STIM1: variants seen among roughly 807,000 people sequenced by gnomAD.
The protein encoded by STIM1 is stromal interaction molecule 1.
A neutral mutation model predicts 74.7 loss-of-function variants in STIM1; 25 were observed. That is an observed-to-expected ratio of 0.33 (90% CI 0.24 to 0.47). The LOEUF is 0.47. STIM1 is among the 20% of genes least tolerant of loss of function. The probability of loss-of-function intolerance (pLI) is 1.00; values close to 1 mark genes in which losing one functional copy is unlikely to be tolerated. For missense variants in STIM1, 728 were observed against 920.8 expected (o/e 0.79, Z 2.71); for synonymous variants, 328 against 348.8 (o/e 0.94, Z 0.66).
intron 1 of STIM1, among the ~76,000 whole-genome samples, chr11:3,957,018 G>T (rs1033660047): frequency 4.6e-5 from 7 of 152,098 alleles, no homozygotes; most frequent in African/African-American, 1.7e-4. Context: ...ACTTTTAGTG[G>T]AGGGAGATAG....
At position 4,084,697 on chromosome 11, in the gene STIM1, G is replaced by C; in HGVS notation, c.1499G>C (p.Arg500Thr). Residue 500 changes from arginine to threonine, a missense_variant, in exon 11 of 13, where the codon AGG becomes ACG. By Grantham distance (71) the Arg-to-Thr change is moderately conservative (BLOSUM62 -1). Transcript: ENST00000526596. The stretch of plus-strand genomic sequence containing the variant: ...GATGCTGCCTGGCTGATGGGGCGTA[G>C]GTTCAGTGACCGCTCTCTCTGCTCT... ...MQYAAWLMGR[R>T]FSDRSLCSTS... 7.8e-7 allele frequency: 1 copy of C among 1,289,434 alleles called. No homozygotes were observed. The highest frequency in any genetic ancestry group is 1.0e-6 in the Non-Finnish European group (1 of 988,878). 79.9% of individuals were successfully genotyped at this position (1,289,434 alleles called of 1,614,324 possible). A position where few individuals can be genotyped will look rare whatever the true frequency, so the allele number is the denominator to read the frequency against.
At chr11:3,914,184 A>G (rs967569838) in intron 1 of STIM1, among the ~76,000 whole-genome samples, 10 of 151,998 alleles carry the variant, frequency 6.6e-5, no homozygotes, top group African/African-American at 2.4e-4. Flanking sequence ...GTCTTCGTGA[A>G]TTTGCCTATT....
intron 1 of STIM1, among the ~76,000 whole-genome samples, chr11:3,953,370 A>G (rs1236862731): frequency 1.3e-5 from 2 of 152,162 alleles, no homozygotes; most frequent in African/African-American, 4.8e-5. Flanking sequence ...AGTTTCTTGT[A>G]TTTGTCATTA....
intron 2 of STIM1, among the ~76,000 whole-genome samples, chr11:3,995,569 G>C (rs370535640): frequency 1.2e-4 from 18 of 152,276 alleles, no homozygotes; most frequent in Middle Eastern, 6.8e-3. Flanking sequence ...GGCATAAATT[G>C]CTTCCCAGAC....
chr11:3,974,163 A>C, intron 2 of STIM1: 1 of 579,738 alleles, frequency 1.7e-6, no homozygotes, highest in Non-Finnish European at 3.1e-6. Flanking sequence ...CTCACTGGTC[A>C]TTTCAAAGCT....
At chr11:3,884,350 T>A (rs866581810) in intron 1 of STIM1, among the ~76,000 whole-genome samples, 53 of 152,210 alleles carry the variant, frequency 3.5e-4, no homozygotes, top group Admixed American at 7.8e-4. Flanking sequence ...AACAGCATGA[T>A]GTTTGGCTTT....
At chr11:4,033,031 T>C (rs1288018708) in intron 3 of STIM1, among the ~76,000 whole-genome samples, 1 of 152,144 alleles carries the variant, frequency 6.6e-6, no homozygotes, top group African/African-American at 2.4e-5. Context: ...AATTGATTTT[T>C]GTATAAGGTG....
chr11:3,855,262 T>C (rs1467947345), upstream of STIM1: 1 of 152,304 alleles, frequency 6.6e-6, no homozygotes, highest in African/African-American at 2.4e-5. Context: ...GGCCTCTGTT[T>C]AGACAGCTCT....
chr11:3,866,291 C>G (rs1299971915), intron 1 of STIM1, among the ~76,000 whole-genome samples: 2 of 152,158 alleles, frequency 1.3e-5, no homozygotes, highest in Non-Finnish European at 2.9e-5. Flanking sequence ...TTCCAGTCCT[C>G]TATGAAGTCT....
At chr11:4,054,081 A>C (rs1040345124) in intron 3 of STIM1, among the ~76,000 whole-genome samples, 2 of 152,224 alleles carry the variant, frequency 1.3e-5, no homozygotes, top group Admixed American at 1.3e-4. Context: ...AATTTTAATA[A>C]ATTTAAATTG....
intron 1 of STIM1, among the ~76,000 whole-genome samples, chr11:3,860,442 C>G (rs1393862560): frequency 6.6e-6 from 1 of 152,192 alleles, no homozygotes; most frequent in Non-Finnish European, 1.5e-5. Context: ...TGATTCTTCT[C>G]TCTACCTCTA....
At chr11:3,895,266 G>A (rs1398547153) in intron 1 of STIM1, among the ~76,000 whole-genome samples, 1 of 152,196 alleles carries the variant, frequency 6.6e-6, no homozygotes, top group Non-Finnish European at 1.5e-5. Context: ...CAGTGTCTCA[G>A]CTTCTTGGTG....
At chr11:3,969,922 A>AT (rs1488769167) in intron 2 of STIM1, among the ~76,000 whole-genome samples, 1 of 152,240 alleles carries the variant, frequency 6.6e-6, no homozygotes, top group Admixed American at 6.5e-5. Context: ...GTCTAACCTG[A>AT]GAATACAGCC....
chr11:3,920,472 T>G (rs542557940), intron 1 of STIM1, among the ~76,000 whole-genome samples: 1 of 152,358 alleles, frequency 6.6e-6, no homozygotes, highest in South Asian at 2.1e-4. Flanking sequence ...TTCTTTCACT[T>G]AGTATGATTT....
intron 2 of STIM1, among the ~76,000 whole-genome samples, chr11:3,999,409 G>C (rs947092350): frequency 1.3e-4 from 20 of 152,330 alleles, no homozygotes; most frequent in Admixed American, 1.0e-3. Context: ...AAGGTGTCTG[G>C]TAGGGAGGGA....
chr11:3,917,217 A>T (rs1375711083), intron 1 of STIM1, among the ~76,000 whole-genome samples: 5 of 152,262 alleles, frequency 3.3e-5, no homozygotes, highest in East Asian at 3.9e-4. Context: ...GGTGAGGGGA[A>T]CAATGTAGTC....
chr11:3,889,061 A>T (rs749708402), intron 1 of STIM1, among the ~76,000 whole-genome samples: 5 of 150,740 alleles, frequency 3.3e-5, no homozygotes, highest in African/African-American at 4.9e-5. Context: ...GTGATGCATC[A>T]GTGGTCTGTA....
intron 1 of STIM1, among the ~76,000 whole-genome samples, chr11:3,897,066 G>C (rs768219877): frequency 6.6e-6 from 1 of 152,130 alleles, no homozygotes; most frequent in Non-Finnish European, 1.5e-5. Context: ...CTCTCTTAGG[G>C]CCTGTTATTG....
chr11:3,887,088 A>G (rs1278718014), intron 1 of STIM1, among the ~76,000 whole-genome samples: 2 of 152,086 alleles, frequency 1.3e-5, no homozygotes, highest in Non-Finnish European at 2.9e-5. Context: ...CTAGGATGAA[A>G]AGGGTCCAGG....
Sources: gnomAD v4.1 joint callset for allele counts (sites outside exome capture counted in the v4.1 genomes callset) on GRCh38, gnomAD v4.1.1 for gene constraint, MANE v1.5 for transcripts, NCBI Gene and HGNC (gene_info 2026-07-23, HGNC 2026-07-21) for gene names.